The following MOB3B variants were observed in gnomAD, a reference collection of about 807,000 sequenced individuals.
The protein encoded by MOB3B is MOB kinase activator-like 2B.
A neutral mutation model predicts 18.7 loss-of-function variants in MOB3B; 7 were observed. The observed-to-expected ratio is 0.37, with a 90% CI of 0.21 to 0.70. The LOEUF (loss-of-function observed/expected upper bound fraction) is 0.70, where lower values mean the gene tolerates loss of function less well. Among genes scored for constraint, MOB3B ranks in the 30% least tolerant of loss-of-function variants. The probability of loss-of-function intolerance (pLI) is 0.52; values close to 1 mark genes in which losing one functional copy is unlikely to be tolerated. For synonymous variants in MOB3B, 111 were observed against 99.9 expected (o/e 1.11, Z -0.66); for missense variants, 253 against 281.3 (o/e 0.90, Z 0.72).
chr9:27,427,570 T>G (rs1282618320), intron 2 of MOB3B, among the ~76,000 whole-genome samples: 4 of 152,214 alleles, frequency 2.6e-5, no homozygotes, highest in Admixed American at 6.5e-5. Context: ...ATCTCAGATT[T>G]TCTAACAAAC....
chr9:27,450,114 G>T (rs1822761491), intron 2 of MOB3B, among the ~76,000 whole-genome samples: 1 of 152,126 alleles, frequency 6.6e-6, no homozygotes, highest in African/African-American at 2.4e-5. Context: ...GCCACAGCAT[G>T]TGAGGGAGGA....
At position 27,481,520 on chromosome 9, in the gene MOB3B, GTTTTT is replaced by G. The variant is rs1224985717; in HGVS notation, c.-198-25777_-198-25773del. ...TAGTTTTTTTTTTTTTGTTTTTTTTGTTTTTTTTTTTTTTTGAGACGGAGTCTAGC... is the reference window on the plus strand; with the variant it reads ...TAGTTTTTTTTTTTTTGTTTTTTTTGTTTTTTTTTTGAGACGGAGTCTAGC... On this transcript the variant is annotated intron_variant, in intron 1 of 3. Coordinates refer to ENST00000262244, the MANE Select transcript of MOB3B (RefSeq NM_024761.5). 5.5e-3 allele frequency among the ~76,000 whole-genome samples: 503 copies of G among 91,728 alleles called. 3 individuals are homozygous for G. The highest frequency in any genetic ancestry group is 0.021 in the Middle Eastern group (4 of 190). The allele number at this position is 91,728 out of a possible 152,430, so 60.2% of individuals were successfully genotyped here.
chr9:27,486,244 A>G (rs1819727836), intron 1 of MOB3B, among the ~76,000 whole-genome samples: 1 of 152,214 alleles, frequency 6.6e-6, no homozygotes, highest in African/African-American at 2.4e-5. Flanking sequence ...AGCAAGTCAA[A>G]GAGTATGAAG....
At chr9:27,352,592 G>T (rs1369964090) in intron 3 of MOB3B, among the ~76,000 whole-genome samples, 2 of 152,188 alleles carry the variant, frequency 1.3e-5, no homozygotes, top group African/African-American at 4.8e-5. Context: ...CTTCCTGTGT[G>T]TGTGTGAAGC....
At chr9:27,352,422 T>A (rs78071231) in intron 3 of MOB3B, among the ~76,000 whole-genome samples, 9,715 of 150,554 alleles carry the variant, frequency 0.065, 396 homozygotes, top group African/African-American at 0.1. Flanking sequence ...AAATAATATA[T>A]GTCAAGAGGA....
Position 27,455,337 on chromosome 9 carries a change from T to G in MOB3B, c.214A>C (p.Asn72His). 1.4e-5 allele frequency: 22 copies of G among 1,614,148 alleles called. No homozygotes were observed. Among genetic ancestry groups the G allele is most frequent in the Non-Finnish European group, 1.9e-5 (22 of 1,180,024 alleles). ...VHVVDFFNRINLIYGTICEFC... is the reference protein window; with the variant it reads ...VHVVDFFNRIHLIYGTICEFC... Reference sequence around the variant, plus strand: ...TCACAGATGGTGCCATAGATGAGGTTGATCCGATTGAAGAAGTCCACCACA... The same window carrying G: ...TCACAGATGGTGCCATAGATGAGGTGGATCCGATTGAAGAAGTCCACCACA... Residue 72 changes from asparagine to histidine, a missense_variant, in exon 2 of 4, where the codon AAC becomes CAC. Coordinates refer to ENST00000262244, the MANE Select transcript of MOB3B (RefSeq NM_024761.5).
In MOB3B at chr9:27,328,091, A is replaced by C. The variant is rs1203843540; in HGVS notation, c.*2496T>G. 1 of 152,002 alleles carries C rather than the reference A, an allele frequency of 6.6e-6. No homozygotes were observed. The highest frequency in any genetic ancestry group is 2.4e-5 in the African/African-American group (1 of 41,400). The allele number at this position is 152,002 out of a possible 1,614,324, so 9.4% of individuals were successfully genotyped here. On this transcript the variant is annotated 3_prime_UTR_variant, in exon 4 of 4. Transcript: ENST00000262244. ...AAAAAAAAAAGGAAGAAAAGAAAAC[A>C]AGGCAAAACATTAACAACTGATGCA... is the stretch of plus-strand genomic sequence containing the variant.
At chr9:27,373,484 C>T (rs1321045510) in intron 2 of MOB3B, among the ~76,000 whole-genome samples, 2 of 152,180 alleles carry the variant, frequency 1.3e-5, no homozygotes, top group Admixed American at 1.3e-4. Context: ...ACCTAAGTTT[C>T]CAGCACTGGA....
intron 2 of MOB3B, among the ~76,000 whole-genome samples, chr9:27,371,709 T>G (rs1201153129): frequency 6.6e-6 from 1 of 152,172 alleles, no homozygotes; most frequent in Admixed American, 6.6e-5. Context: ...TGGCGTGGAC[T>G]GTGCCAGCCT....
rs1216168396 is a variant in MOB3B at position 27,329,536 on chromosome 9, A to G, written c.*1051T>C. ...GGGAGCGTGGAGTGGGGAGAGAATG[A>G]CGGCTGGGTTTAAATGCTCAGAAGG... is the stretch of plus-strand genomic sequence containing the variant. On this transcript the variant is annotated 3_prime_UTR_variant, in exon 4 of 4. Transcript: ENST00000262244. 6.6e-6 allele frequency: 1 copy of G among 152,422 alleles called. No homozygotes were observed. Among genetic ancestry groups the G allele is most frequent in the African/African-American group, 2.4e-5 (1 of 41,414 alleles). 9.4% of individuals were successfully genotyped at this position (152,422 alleles called of 1,614,324 possible).
chr9:27,519,593 G>C (rs1435796119), intron 1 of MOB3B, among the ~76,000 whole-genome samples: 2 of 152,204 alleles, frequency 1.3e-5, no homozygotes, highest in African/African-American at 4.8e-5. Context: ...TTGCTTAGTA[G>C]AGAGAAAGGT....
intron 2 of MOB3B, among the ~76,000 whole-genome samples, chr9:27,414,878 T>A (rs28729632): frequency 6.6e-6 from 1 of 151,380 alleles, no homozygotes; most frequent in Non-Finnish European, 1.5e-5. Context: ...ATTTTTTAAT[T>A]TTTTTTTTTG....
intron 1 of MOB3B, among the ~76,000 whole-genome samples, chr9:27,477,854 A>T (rs544272419): frequency 6.6e-6 from 1 of 152,352 alleles, no homozygotes; most frequent in South Asian, 2.1e-4. Flanking sequence ...TGGGATGCCC[A>T]TTTGAGAACA....
At chr9:27,388,196 C>T (rs1344281948) in intron 2 of MOB3B, among the ~76,000 whole-genome samples, 4 of 152,144 alleles carry the variant, frequency 2.6e-5, no homozygotes, top group Non-Finnish European at 2.9e-5. Context: ...TTGCACATAC[C>T]GTTAACTTCC....
At chr9:27,416,400 G>A (rs547526869) in intron 2 of MOB3B, among the ~76,000 whole-genome samples, 13 of 151,984 alleles carry the variant, frequency 8.6e-5, no homozygotes, top group Non-Finnish European at 1.8e-4. Flanking sequence ...AAAATGGCTG[G>A]TGCTTAATTT....
At chr9:27,343,478 T>TAAAAAAAAAAAAAAAAA (rs779124158) in intron 3 of MOB3B, among the ~76,000 whole-genome samples, 6 of 84,316 alleles carry the variant, frequency 7.1e-5, no homozygotes, top group African/African-American at 2.5e-4. Context: ...CAATAAATAC[T>TAAAAAAAAAAAAAAAAA]AAAAAAAAAA....
At chr9:27,503,092 G>A (rs150774331) in intron 1 of MOB3B, among the ~76,000 whole-genome samples, 5 of 152,088 alleles carry the variant, frequency 3.3e-5, no homozygotes, top group African/African-American at 4.8e-5. Flanking sequence ...AGCAGGAGCC[G>A]GACTTCAGGC....
intron 2 of MOB3B, chr9:27,378,878 C>T (rs1587167565): frequency 2.7e-6 from 1 of 375,832 alleles, no homozygotes; most frequent in Admixed American, 3.7e-5. Context: ...TATCCAGGGC[C>T]ACAAAGCTAA....
At position 27,410,965 on chromosome 9, in the gene MOB3B, T is replaced by C. The variant is rs183758167; in HGVS notation, c.418+44168A>G. 2.8e-3 allele frequency among the ~76,000 whole-genome samples: 429 copies of C among 152,324 alleles called. 1 individual carries two copies. The highest frequency in any genetic ancestry group is 9.8e-3 in the African/African-American group (406 of 41,574). On this transcript the variant is annotated intron_variant, in intron 2 of 3. Transcript: ENST00000262244. ...TTGAAAACATGATTTTTAATGGCTG[T>C]CCAAAATTGTATCTGTGGATATGTG... is the stretch of plus-strand genomic sequence containing the variant.
Sources: gnomAD v4.1 joint callset for allele counts (sites outside exome capture counted in the v4.1 genomes callset) on GRCh38, gnomAD v4.1.1 for gene constraint, MANE v1.5 for transcripts, NCBI Gene and HGNC (gene_info 2026-07-23, HGNC 2026-07-21) for gene names.